Variants in SRGAP2B observed in about 807,000 individuals in gnomAD.
The protein encoded by SRGAP2B is SLIT-ROBO Rho GTPase-activating protein 2B.
Under a neutral mutation model 22.2 loss-of-function variants are expected in SRGAP2B, and 9 were observed. The observed-to-expected ratio is 0.41, with a 90% CI of 0.24 to 0.71. SRGAP2B has a LOEUF of 0.71. Ranked by LOEUF, SRGAP2B falls within the 30% of genes least tolerant of loss-of-function variation. The probability of loss-of-function intolerance (pLI) is 0.35; values close to 1 mark genes in which losing one functional copy is unlikely to be tolerated. For synonymous variants in SRGAP2B, 36 were observed against 87.4 expected (o/e 0.41, Z 3.28); for missense variants, 114 against 235.8 (o/e 0.48, Z 3.38).
intron 3 of SRGAP2B, among the ~76,000 whole-genome samples, chr1:144,960,442 C>A (rs1667581224): frequency 1.3e-5 from 2 of 150,338 alleles, no homozygotes; most frequent in Admixed American, 1.3e-4. Flanking sequence ...AAGAGATAAA[C>A]CTGCATAGCT....
At chr1:144,975,155 C>A (rs1188506844) in intron 3 of SRGAP2B, among the ~76,000 whole-genome samples, 2 of 149,630 alleles carry the variant, frequency 1.3e-5, no homozygotes, top group Non-Finnish European at 2.9e-5. Flanking sequence ...GAATCTGCGC[C>A]ATCTTTTTTA....
intron 3 of SRGAP2B, among the ~76,000 whole-genome samples, chr1:144,984,195 C>T (rs1553615459): frequency 1.3e-5 from 2 of 150,332 alleles, no homozygotes; most frequent in African/African-American, 5.0e-5. Context: ...TGGCGCATGC[C>T]TGTAATCCCA....
At chr1:145,031,670 A>G (rs1167515515) in intron 2 of SRGAP2B, among the ~76,000 whole-genome samples, 6 of 142,082 alleles carry the variant, frequency 4.2e-5, no homozygotes, top group Non-Finnish European at 8.9e-5. Flanking sequence ...ACACGGTGAA[A>G]CCCCGTCTCT....
At chr1:145,040,457 G>T (rs1407854694) in intron 2 of SRGAP2B, among the ~76,000 whole-genome samples, 1 of 149,944 alleles carries the variant, frequency 6.7e-6, no homozygotes, top group Admixed American at 6.6e-5. Context: ...TTTAATTCAG[G>T]GATAGTAAAC....
intron 2 of SRGAP2B, among the ~76,000 whole-genome samples, chr1:145,090,520 T>TA (rs1653887180): frequency 6.7e-6 from 1 of 149,308 alleles, no homozygotes; most frequent in African/African-American, 2.5e-5. Flanking sequence ...ACCATTCATT[T>TA]AAAGCACTTG....
At position 144,955,615 on chromosome 1, in the gene SRGAP2B, T is replaced by C; in HGVS notation, c.261-14A>G. On this transcript the variant is annotated splice_polypyrimidine_tract_variant and intron_variant, in intron 3 of 9. Coordinates refer to ENST00000612199, the Ensembl canonical transcript of SRGAP2B. ...TTCTGATCCTTCCTGTGAAGAAACA[T>C]CAAGGAAAAGAAGTCATTGTTGATA... is the stretch of plus-strand genomic sequence containing the variant. 1 of 747,290 alleles carries C rather than the reference T, an allele frequency of 1.3e-6. No individual in the cohort carries two copies. Among genetic ancestry groups the C allele is most frequent in the Non-Finnish European group, 2.3e-6 (1 of 434,408 alleles). The allele number at this position is 747,290 out of a possible 1,614,324, so 46.3% of individuals were successfully genotyped here.
chr1:145,009,092 G>C (rs1166193104), intron 2 of SRGAP2B, among the ~76,000 whole-genome samples: 1 of 145,278 alleles, frequency 6.9e-6, no homozygotes, highest in Non-Finnish European at 1.5e-5. Flanking sequence ...CAGGAGAATG[G>C]CGTGAACCTG....
At chr1:144,972,768 T>C (rs1553613548) in intron 3 of SRGAP2B, among the ~76,000 whole-genome samples, 1 of 149,464 alleles carries the variant, frequency 6.7e-6, no homozygotes, top group African/African-American at 2.5e-5. Flanking sequence ...GGTCACCAAC[T>C]AGCATTTCTC....
rs1186729870 is a variant in SRGAP2B, at chr1:144,965,340, C to T, written c.261-9739G>A. On this transcript the variant is annotated intron_variant, in intron 3 of 9. Coordinates refer to ENST00000612199, the Ensembl canonical transcript of SRGAP2B. ...CAAGTGGGTCCCTGACCCCTGACCC[C>T]CGAGCAGCCTAACTGGGAGGCACCC... 2.9e-5 allele frequency among the ~76,000 whole-genome samples: 4 copies of T among 140,326 alleles called. No homozygotes were observed. The East Asian group carries it at 8.4e-4, about 30-fold the overall frequency. The allele number at this position is 140,326 out of a possible 152,430, so 92.1% of individuals were successfully genotyped here.
intron 2 of SRGAP2B, among the ~76,000 whole-genome samples, chr1:145,017,214 G>C (rs1408291661): frequency 6.8e-6 from 1 of 148,104 alleles, no homozygotes; most frequent in African/African-American, 2.6e-5. Context: ...ACAGGCATGA[G>C]CCACCGCACC....
At chr1:144,969,918 G>A (rs1319701143) in intron 3 of SRGAP2B, among the ~76,000 whole-genome samples, 1 of 150,900 alleles carries the variant, frequency 6.6e-6, no homozygotes, top group African/African-American at 2.5e-5. Context: ...CTGGCCATCA[G>A]AGAAATGCAA....
At chr1:144,905,037 G>A (rs1352059700) in intron 7 of SRGAP2B, 54 bp downstream of exon 7, 49,336 of 717,334 alleles carry the variant, frequency 0.069, 2,115 homozygotes, top group Admixed American at 0.13. Context: ...TGTCTGACGA[G>A]TATTCTGAAA....
rs1164358846 is a variant in SRGAP2B at position 145,056,949 on chromosome 1, TAA to T, written c.67+35884_67+35885del. On this transcript the variant is annotated intron_variant, in intron 2 of 9. Transcript: ENST00000612199. ...TCCAGGTGGTCAGAGTTGAAGGAGATAAAACACACACACACACACACACACAC... is the reference window on the plus strand; with the variant it reads ...TCCAGGTGGTCAGAGTTGAAGGAGATAACACACACACACACACACACACAC... Among the ~76,000 whole-genome samples the T allele has an allele frequency of 1.7e-4, 22 of 127,706 alleles. 1 individual carries two copies. The highest frequency in any genetic ancestry group is 1.7e-3 in the Admixed American group (22 of 12,906). The allele number at this position is 127,706 out of a possible 152,430, so 83.8% of individuals were successfully genotyped here.
Position 145,023,036 on chromosome 1 carries a change from G to A in SRGAP2B, c.68-27836C>T, listed in dbSNP as rs587633830. On this transcript the variant is annotated intron_variant, in intron 2 of 9. Coordinates refer to ENST00000612199, the Ensembl canonical transcript of SRGAP2B. ...AAAAATTAGCTGGGCATGGCGATGC[G>A]TGCCTATAGTCTCAGCTACTTGGGA... Among the ~76,000 whole-genome samples the A allele has an allele frequency of 4.6e-3, 686 of 149,906 alleles. 19 individuals carry two copies. The highest frequency in any genetic ancestry group is 8.1e-3 in the Non-Finnish European group (547 of 67,802).
rs11249371 is a variant in SRGAP2B at position 144,952,092 on chromosome 1, C to G, written c.423+3347G>C. ...AAGGAAGCCCCCAGTGTAGGATCCC[C>G]TTATCGTCACAGAACAGTGGTATCC... is the stretch of plus-strand genomic sequence containing the variant. On this transcript the variant is annotated intron_variant, in intron 4 of 9. Transcript: ENST00000612199. Among the ~76,000 whole-genome samples, 81 of 38,088 alleles carry G rather than the reference C, an allele frequency of 2.1e-3. 26 individuals carry two copies. The East Asian group carries it at 0.044, about 21-fold the overall frequency. 25.0% of individuals were successfully genotyped at this position (38,088 alleles called of 152,430 possible).
In SRGAP2B at chr1:145,013,428, G is replaced by A. The variant is rs1187825366; in HGVS notation, c.68-18228C>T. On this transcript the variant is annotated intron_variant, in intron 2 of 9. Transcript: ENST00000612199. ...ATGTGAAATACAAGGCATGAGAGGC[G>A]CCCAAAGGTAGGCAACAAGCTCAGT... 7.3e-5 allele frequency among the ~76,000 whole-genome samples: 11 copies of A among 150,370 alleles called. 1 individual carries two copies. In the East Asian group the frequency reaches 2.1e-3, roughly 29 times the overall value.
chr1:144,934,091 T>TAA (rs1414202910), intron 4 of SRGAP2B, among the ~76,000 whole-genome samples: 300 of 148,900 alleles, frequency 2.0e-3, no homozygotes, highest in African/African-American at 7.1e-3. Context: ...ATATGTTTAA[T>TAA]AAAGTCAGCT....
Position 145,015,625 on chromosome 1 carries a change from C to T in SRGAP2B, c.68-20425G>A, listed in dbSNP as rs577805. On this transcript the variant is annotated intron_variant, in intron 2 of 9. Transcript: ENST00000612199. ...GCAAGAGGCTCGCAGAGGAGCTAGA[C>T]GTAAAGGATTGGAATTACCTATGGG... is the stretch of plus-strand genomic sequence containing the variant. Among the ~76,000 whole-genome samples the T allele has an allele frequency of 6.7e-4, 101 of 150,288 alleles. 3 individuals are homozygous for T. The highest frequency in any genetic ancestry group is 1.2e-3 in the Non-Finnish European group (80 of 67,910).
At chr1:144,924,974 C>G (rs1664553327) in intron 4 of SRGAP2B, among the ~76,000 whole-genome samples, 1 of 148,622 alleles carries the variant, frequency 6.7e-6, no homozygotes, top group Non-Finnish European at 1.5e-5. Context: ...TATATTTCTT[C>G]CTGGAAACTT....
Sources: gnomAD v4.1 joint callset for allele counts (sites outside exome capture counted in the v4.1 genomes callset) on GRCh38, gnomAD v4.1.1 for gene constraint, MANE v1.5 for transcripts, NCBI Gene and HGNC (gene_info 2026-07-23, HGNC 2026-07-21) for gene names.